The following PCDH15 variants were observed in gnomAD, a reference collection of about 807,000 sequenced individuals.
The protein encoded by PCDH15 is protocadherin related 15, also known as protocadherin-15.
PCDH15 carries 129 observed loss-of-function variants against 178.5 expected under a neutral mutation model. The observed-to-expected ratio is 0.72, with a 90% confidence interval of 0.63 to 0.84. The LOEUF (loss-of-function observed/expected upper bound fraction) is 0.84, where lower values mean the gene tolerates loss of function less well. Ranked by LOEUF, PCDH15 falls within the 40% of genes least tolerant of loss-of-function variation. PCDH15 has a pLI of 0.00. For synonymous variants in PCDH15, 800 were observed against 732.0 expected, an observed-to-expected ratio of 1.09 and a Z score of -1.50; for missense variants, 2,230 against 2,099.9, an observed-to-expected ratio of 1.06 and a Z score of -1.21.
intron 3 of PCDH15, among the ~76,000 whole-genome samples, chr10:54,454,686 C>T (rs966831566): frequency 6.6e-6 from 1 of 152,148 alleles, no homozygotes; most frequent in African/African-American, 2.4e-5. Context: ...AACCATTTTG[C>T]TTTCTAAAAA....
intron 3 of PCDH15, among the ~76,000 whole-genome samples, chr10:54,426,902 A>C (rs1240828383): frequency 2.0e-5 from 3 of 151,818 alleles, no homozygotes; most frequent in African/African-American, 7.3e-5. Context: ...TTTTCCCATG[A>C]GTATAAAAAA....
rs1840055680 is a variant in PCDH15, at chr10:55,011,928, A to G, written c.-79-114428T>C. Among the ~76,000 whole-genome samples, 3 of 152,060 alleles carry G rather than the reference A, an allele frequency of 2.0e-5. No homozygotes were observed. The South Asian group carries it at 6.2e-4, about 31-fold the overall frequency. ...GCACTCAAAACTAAGGCGAGAAATC[A>G]ATTTTCAATGCCTCCAGAACATCCA... On this transcript the variant is annotated intron_variant, in intron 2 of 5. Transcript: ENST00000458638.
At chr10:55,194,801 G>A (rs1248085293) in intron 1 of PCDH15, among the ~76,000 whole-genome samples, 1 of 151,510 alleles carries the variant, frequency 6.6e-6, no homozygotes, top group Non-Finnish European at 1.5e-5. Flanking sequence ...TGAATGAGAA[G>A]CACTACTGTA....
chr10:55,410,604 A>G (rs1341177068), intron 2 of PCDH15, among the ~76,000 whole-genome samples: 2 of 152,182 alleles, frequency 1.3e-5, no homozygotes, highest in African/African-American at 2.4e-5. Flanking sequence ...CCATGCTGGA[A>G]GAAATCCCAG....
intron 1 of PCDH15, among the ~76,000 whole-genome samples, chr10:55,265,762 C>A (rs879881906): frequency 6.6e-6 from 1 of 152,084 alleles, no homozygotes; most frequent in Non-Finnish European, 1.5e-5. Flanking sequence ...ACACACCTCT[C>A]TATCTCGTGA....
At chr10:55,103,279 C>A (rs1381802032) in intron 2 of PCDH15, among the ~76,000 whole-genome samples, 2 of 152,020 alleles carry the variant, frequency 1.3e-5, no homozygotes, top group East Asian at 3.9e-4. Context: ...TGTCTAATAT[C>A]AATTTATTTT....
chr10:53,863,284 C>CTACAAGG (rs2079219573), intron 27 of PCDH15, among the ~76,000 whole-genome samples: 1 of 152,046 alleles, frequency 6.6e-6, no homozygotes, highest in South Asian at 2.1e-4. Flanking sequence ...AACCTCAATA[C>CTACAAGG]TACAAGGTCA....
chr10:54,746,190 C>A (rs1945439335), intron 1 of PCDH15, among the ~76,000 whole-genome samples: 1 of 152,098 alleles, frequency 6.6e-6, no homozygotes, highest in South Asian at 2.1e-4. Context: ...TTAACAGCAT[C>A]CTGGCCTTTC....
intron 20 of PCDH15, among the ~76,000 whole-genome samples, chr10:54,012,931 A>G (rs1465999076): frequency 6.6e-6 from 1 of 152,168 alleles, no homozygotes; most frequent in African/African-American, 2.4e-5. Context: ...ATCAATATTA[A>G]CACTGAATGT....
intron 16 of PCDH15, among the ~76,000 whole-genome samples, chr10:54,089,355 C>A (rs2094563365): frequency 6.6e-6 from 1 of 152,164 alleles, no homozygotes; most frequent in East Asian, 1.9e-4. Flanking sequence ...AGAAACCAGC[C>A]ACATGTGACA....
rs189805009 is a variant in PCDH15, at chr10:54,603,910, G to A, written c.91+60262C>T. ...GCATTGGCAATGGAAAACAGATTGG[G>A]CCCAGTTGCTATAATGTTCCTTCTC... On this transcript the variant is annotated intron_variant, in intron 2 of 37. Transcript: ENST00000644397. Among the ~76,000 whole-genome samples the A allele has an allele frequency of 3.1e-3, 466 of 152,020 alleles. 4 individuals carry two copies. The highest frequency in any genetic ancestry group is 0.011 in the African/African-American group (441 of 41,498).
intron 15 of PCDH15, among the ~76,000 whole-genome samples, chr10:54,105,315 TATACACACACACATACATATATATAC>T (rs2094897074): frequency 2.6e-5 from 2 of 76,310 alleles, no homozygotes; most frequent in Non-Finnish European, 4.8e-5. Context: ...TATATATATA[TATACACACACACATACATATATATAC>T]ACACACACAC....
At chr10:53,966,458 T>C (rs1411455878) in intron 21 of PCDH15, among the ~76,000 whole-genome samples, 2 of 152,176 alleles carry the variant, frequency 1.3e-5, no homozygotes, top group African/African-American at 2.4e-5. Flanking sequence ...TCTTTACTTC[T>C]TTCCAAAGTC....
At chr10:55,572,783 T>C (rs1842431250) in intron 2 of PCDH15, among the ~76,000 whole-genome samples, 1 of 152,054 alleles carries the variant, frequency 6.6e-6, no homozygotes, top group African/African-American at 2.4e-5. Context: ...GTAAAAGGCA[T>C]GCTGATCATT....
intron 5 of PCDH15, among the ~76,000 whole-genome samples, chr10:54,359,950 G>A (rs541697789): frequency 7.9e-5 from 12 of 152,152 alleles, no homozygotes; most frequent in African/African-American, 2.9e-4. Flanking sequence ...AAATTAATAT[G>A]CAATTACTAA....
At chr10:54,556,526 C>T (rs2087288376) in intron 2 of PCDH15, among the ~76,000 whole-genome samples, 1 of 151,176 alleles carries the variant, frequency 6.6e-6, no homozygotes, top group South Asian at 2.1e-4. Context: ...GAAGAAAATG[C>T]ACTATTTAGA....
intron 1 of PCDH15, among the ~76,000 whole-genome samples, chr10:54,731,740 T>C (rs1943435247): frequency 1.3e-5 from 2 of 150,640 alleles, no homozygotes; most frequent in South Asian, 4.2e-4. Flanking sequence ...ATGTGGGAAC[T>C]GAACAAGTGA....
rs144145964 is a variant in PCDH15 at position 53,952,360 on chromosome 10, T to C, written c.3122+7372A>G. 7.6e-4 allele frequency among the ~76,000 whole-genome samples: 116 copies of C among 152,298 alleles called. 2 individuals are homozygous for C. The highest frequency in any genetic ancestry group is 3.4e-3 in the Middle Eastern group (1 of 294). ...GGAGACCTGAAATAGGCAGCTCCTA[T>C]ATGCAGGCAGGCTGTCCCGATGTCT... On this transcript the variant is annotated intron_variant, in intron 23 of 37. Transcript: ENST00000644397.
intron 2 of PCDH15, among the ~76,000 whole-genome samples, chr10:55,095,793 A>G (rs756054288): frequency 1.3e-5 from 2 of 152,156 alleles, no homozygotes; most frequent in Non-Finnish European, 2.9e-5. Context: ...ATTGAAATTA[A>G]TATCACAGGA....
Sources: gnomAD v4.1 joint callset for allele counts (sites outside exome capture counted in the v4.1 genomes callset) on GRCh38, gnomAD v4.1.1 for gene constraint, MANE v1.5 for transcripts, NCBI Gene and HGNC (gene_info 2026-07-23, HGNC 2026-07-21) for gene names.